SLC7A8: variants seen among roughly 807,000 people sequenced by gnomAD.
The protein encoded by SLC7A8 is solute carrier family 7 member 8, also known as large neutral amino acids transporter small subunit 2.
Under a neutral mutation model 51.2 loss-of-function variants are expected in SLC7A8, and 30 were observed. The observed-to-expected ratio is 0.59, with a 90% CI of 0.44 to 0.80. The LOEUF is 0.80. Among genes scored for constraint, SLC7A8 ranks in the 30% least tolerant of loss-of-function variants. The pLI, the probability that SLC7A8 is intolerant of heterozygous loss-of-function variation, is 0.00. For synonymous variants in SLC7A8, 257 were observed against 275.8 expected, an observed-to-expected ratio of 0.93 and a Z score of 0.67; for missense variants, 612 against 674.4, an observed-to-expected ratio of 0.91 and a Z score of 1.03.
intron 1 of SLC7A8, among the ~76,000 whole-genome samples, chr14:23,180,687 C>T (rs1192253106): frequency 6.6e-6 from 1 of 152,006 alleles, no homozygotes; most frequent in Admixed American, 6.6e-5. Flanking sequence ...TAACATATAC[C>T]CACAGAAATT....
chr14:23,156,076 G>A (rs1418709409), intron 3 of SLC7A8, among the ~76,000 whole-genome samples: 4 of 150,876 alleles, frequency 2.7e-5, no homozygotes, highest in East Asian at 3.9e-4. Flanking sequence ...TCGGCTCACC[G>A]CAACCTCTGC....
rs928537382 is a variant in SLC7A8 at position 23,128,465 on chromosome 14, G to T, written c.1264-269C>A. ...CTCCTTGCCCATGTCCTCGCTCTTG[G>T]GTGTGGTTAGACAAGGCCTCATCAT... On this transcript the variant is annotated intron_variant, in intron 9 of 10. Coordinates refer to ENST00000316902, the MANE Select transcript of SLC7A8 (RefSeq NM_012244.4). The surrounding 1 kb of genome is among the most constrained non-coding windows in gnomAD (Gnocchi z 4.3). 5.2e-6 allele frequency: 6 copies of T among 1,153,324 alleles called. No homozygotes were observed. The African/African-American group carries it at 7.6e-5, about 15-fold the overall frequency. The allele number at this position is 1,153,324 out of a possible 1,614,324, so 71.4% of individuals were successfully genotyped here.
intron 7 of SLC7A8, among the ~76,000 whole-genome samples, chr14:23,134,437 C>CAAAAAAAAAAAA (rs57162273): frequency 2.2e-4 from 14 of 64,192 alleles, no homozygotes; most frequent in African/African-American, 5.6e-4. Flanking sequence ...ACCCTGTCTC[C>CAAAAAAAAAAAA]AAAAAAAAAA....
intron 4 of SLC7A8, among the ~76,000 whole-genome samples, chr14:23,142,394 T>A (rs1485716648): frequency 6.6e-6 from 1 of 152,226 alleles, no homozygotes; most frequent in Non-Finnish European, 1.5e-5. Context: ...AAAATACCTT[T>A]CTCTGTCCTC....
rs370580929 is a variant in SLC7A8 at position 23,127,239 on chromosome 14, G to A, written c.1546C>T (p.Gln516Ter). 2 of 1,614,128 alleles carry A rather than the reference G, an allele frequency of 1.2e-6. No homozygotes were observed. The highest frequency in any genetic ancestry group is 1.7e-6 in the Non-Finnish European group (2 of 1,179,986). ...EANEDMEEQQ[Q>*]PMYQPTPTKD... ...GTGGGAGTGGGTTGGTACATGGGCT[G>A]CTGCTGCTCCTCCATGTCCTCATTA... is the stretch of plus-strand genomic sequence containing the variant. The change falls in exon 11 of 11, where the codon CAG (glutamine) becomes TAG (stop). Residue 516 changes from glutamine to a stop codon, truncating the protein, a stop_gained. Coordinates refer to ENST00000316902, the MANE Select transcript of SLC7A8 (RefSeq NM_012244.4). LOFTEE classifies it high-confidence loss of function.
chr14:23,139,618 G>T (rs985464421), intron 5 of SLC7A8, 71 bp from the exon 6 acceptor site: 6 of 1,540,914 alleles, frequency 3.9e-6, no homozygotes, highest in Non-Finnish European at 5.3e-6. Flanking sequence ...AGTCCAGGGG[G>T]TGTCTTCTGT....
chr14:23,153,130 C>A (rs1328860178), intron 3 of SLC7A8, among the ~76,000 whole-genome samples: 1 of 152,008 alleles, frequency 6.6e-6, no homozygotes, highest in Non-Finnish European at 1.5e-5. Flanking sequence ...TTTTCTTTTA[C>A]AGATGGGAGT....
rs752814137 is a variant in SLC7A8, at chr14:23,138,013, C to G, written c.924G>C (p.Glu308Asp). ...ASNAVAVTFG[E>D]KLLGVMAWIM... is the part of the protein sequence containing the mutation. ...TCCAGGCCATGACTCCTAGGAGCTT[C>G]TCTCCAAAAGTCTGGGAGAGGAACC... Residue 308 changes from glutamate to aspartate, a missense_variant, in exon 7 of 11, where the codon GAG (glutamate) becomes GAC (aspartate). Glu to Asp is a conservative substitution (Grantham distance 45). Transcript: ENST00000316902. 1 of 1,613,652 alleles carries G rather than the reference C, an allele frequency of 6.2e-7. No homozygotes were observed. The highest frequency in any genetic ancestry group is 2.2e-5 in the East Asian group (1 of 44,824).
chr14:23,169,231 G>A (rs189693624), intron 1 of SLC7A8, among the ~76,000 whole-genome samples: 2 of 152,196 alleles, frequency 1.3e-5, no homozygotes, highest in African/African-American at 2.4e-5. Flanking sequence ...GGTGGCATGC[G>A]CCTATAGTCC....
intron 1 of SLC7A8, among the ~76,000 whole-genome samples, chr14:23,172,175 C>A (rs1205912278): frequency 6.6e-6 from 1 of 152,164 alleles, no homozygotes; most frequent in Non-Finnish European, 1.5e-5. Flanking sequence ...GAAACGCTAA[C>A]AAATGTAAGG....
At chr14:23,171,000 A>T (rs1462491327) in intron 1 of SLC7A8, among the ~76,000 whole-genome samples, 1 of 152,144 alleles carries the variant, frequency 6.6e-6, no homozygotes. Context: ...AAGTGCTGAG[A>T]TTACAGGCAC....
chr14:23,130,442 C>T (rs1266833286), intron 8 of SLC7A8, among the ~76,000 whole-genome samples: 1 of 152,190 alleles, frequency 6.6e-6, no homozygotes, highest in East Asian at 1.9e-4. Flanking sequence ...AACCATGCTC[C>T]TCCCCTCTGA....
At chr14:23,162,792 T>C (rs1341066797) in intron 3 of SLC7A8, among the ~76,000 whole-genome samples, 2 of 152,152 alleles carry the variant, frequency 1.3e-5, no homozygotes, top group Non-Finnish European at 1.5e-5. Flanking sequence ...ATTTGGGGAA[T>C]GCAAAGAAAG....
At chr14:23,132,473 T>G (rs1169878672) in intron 7 of SLC7A8, among the ~76,000 whole-genome samples, 2 of 152,138 alleles carry the variant, frequency 1.3e-5, no homozygotes, top group East Asian at 3.9e-4. Flanking sequence ...TTCTAGCTAC[T>G]TGGGAGGCTG....
At chr14:23,173,479 A>G (rs145097009) in intron 1 of SLC7A8, among the ~76,000 whole-genome samples, 5 of 152,346 alleles carry the variant, frequency 3.3e-5, no homozygotes, top group African/African-American at 1.2e-4. Context: ...TCCAACTGAA[A>G]TTTCAGAACC....
At chr14:23,133,337 A>G (rs1356948772) in intron 7 of SLC7A8, among the ~76,000 whole-genome samples, 1 of 148,102 alleles carries the variant, frequency 6.8e-6, no homozygotes, top group Non-Finnish European at 1.5e-5. Context: ...ATTACTCGGG[A>G]GGCTGAGGTG....
intron 9 of SLC7A8, chr14:23,129,397 AC>A (rs1566353970): frequency 2.2e-6 from 1 of 453,646 alleles, no homozygotes; most frequent in Non-Finnish European, 3.9e-6. Context: ...CTGGTAGGAA[AC>A]AAAGGAATGT....
chr14:23,128,348 C>T lies in SLC7A8; in HGVS notation c.1264-152G>A. 1.9e-6 allele frequency: 3 copies of T among 1,539,258 alleles called. No homozygotes were observed. The highest frequency in any genetic ancestry group is 2.4e-5 in the East Asian group (1 of 40,896). ...CTCGGCTCTGTGGTCCCACACTCAC[C>T]CCTGGTAGGGCAGGGGCTATATAAA... On this transcript the variant is annotated intron_variant, in intron 9 of 10. Coordinates refer to ENST00000316902, the MANE Select transcript of SLC7A8 (RefSeq NM_012244.4). This position sits in a 1 kb window ranked among gnomAD's most constrained non-coding sequence, Gnocchi z 4.3.
rs550605689 is a variant in SLC7A8, at chr14:23,128,490, T to C, written c.1264-294A>G. On this transcript the variant is annotated intron_variant, in intron 9 of 10. Coordinates refer to ENST00000316902, the MANE Select transcript of SLC7A8 (RefSeq NM_012244.4). This position sits in a 1 kb window ranked among gnomAD's most constrained non-coding sequence, Gnocchi z 4.3. ...GGTGTGGTTAGACAAGGCCTCATCA[T>C]GCATGCCATGTGCCCGTGGCAGCCA... 1.4e-5 allele frequency: 11 copies of C among 813,384 alleles called. No homozygotes were observed. Among genetic ancestry groups the C allele is most frequent in the African/African-American group, 1.2e-4 (7 of 58,498 alleles). 50.4% of individuals were successfully genotyped at this position (813,384 alleles called of 1,614,324 possible).
Sources: gnomAD v4.1 joint callset for allele counts (sites outside exome capture counted in the v4.1 genomes callset) on GRCh38, gnomAD v4.1.1 for gene constraint, Gnocchi (gnomAD v3.1) non-coding constraint, MANE v1.5 for transcripts, NCBI Gene and HGNC (gene_info 2026-07-23, HGNC 2026-07-21) for gene names.